Variants in CAPN13 observed in about 807,000 individuals in gnomAD.
CAPN13 encodes the protein calpain 13.
A neutral mutation model predicts 98.4 loss-of-function variants in CAPN13; 90 were observed. The observed-to-expected ratio is 0.92, with a 90% CI of 0.77 to 1.09. The LOEUF is 1.09. Among genes scored for constraint, CAPN13 ranks in the 50% least tolerant of loss-of-function variants. The pLI is 0.00. For synonymous variants in CAPN13, 330 were observed against 305.5 expected (o/e 1.08, Z -0.84); for missense variants, 887 against 841.3 (o/e 1.05, Z -0.67).
Position 30,787,284 on chromosome 2 carries a change from G to A in CAPN13, c.42C>T (p.Ile14=). Residue 14 remains isoleucine (I), a synonymous_variant, in exon 2 of 23, where the codon ATC becomes ATT. Coordinates refer to ENST00000295055, the MANE Select transcript of CAPN13 (RefSeq NM_144575.3). ...YQEPSVETSI[I]KFKDQDFTTL... is the part of the protein sequence containing the mutation. ...TGGTAAAGTCCTGGTCTTTGAACTT[G>A]ATGATGGAGGTCTCCACTGAAGGCT... 1 of 1,613,378 alleles carries A rather than the reference G, an allele frequency of 6.2e-7. No individual in the cohort carries two copies. The highest frequency in any genetic ancestry group is 8.5e-7 in the Non-Finnish European group (1 of 1,179,712).
intron 1 of CAPN13, among the ~76,000 whole-genome samples, chr2:30,800,198 T>C (rs1572892020): frequency 7.6e-6 from 1 of 132,216 alleles, no homozygotes; most frequent in Middle Eastern, 4.0e-3. Flanking sequence ...GAAAACTACG[T>C]AGACCTGGAA....
Position 30,736,517 on chromosome 2 carries a change from G to T in CAPN13, c.1708C>A (p.Leu570Ile). ...QEEFARLWKRLVHYQHVFQKV... is the reference protein window; with the variant it reads ...QEEFARLWKRIVHYQHVFQKV... ...TGTGCCCGTACCTGGTAGTGAACAA[G>T]GCGCTTCCACAGTCGCGCAAACTCC... The change falls in exon 18 of 23, where the codon CTT (leucine) becomes ATT (isoleucine). Residue 570 changes from leucine to isoleucine, a missense_variant. By Grantham distance (5) the Leu-to-Ile change is conservative. Transcript: ENST00000295055. 1 of 1,614,016 alleles carries T rather than the reference G, an allele frequency of 6.2e-7. No homozygotes were observed. Among genetic ancestry groups the T allele is most frequent in the South Asian group, 1.1e-5 (1 of 91,082 alleles).
At chr2:30,800,081 G>GAAAGAAAGAAAGA in intron 1 of CAPN13, among the ~76,000 whole-genome samples, 2 of 115,194 alleles carry the variant, frequency 1.7e-5, no homozygotes, top group African/African-American at 6.4e-5. Flanking sequence ...CTCAAAAAAA[G>GAAAGAAAGAAAGA]AAAGAAAGAA....
intron 1 of CAPN13, among the ~76,000 whole-genome samples, chr2:30,788,234 A>G (rs1306773798): frequency 6.6e-6 from 1 of 152,220 alleles, no homozygotes; most frequent in Non-Finnish European, 1.5e-5. Flanking sequence ...CTCCACCTGT[A>G]TGGATTGAAG....
At chr2:30,803,644 T>C (rs1457546073) in intron 1 of CAPN13, among the ~76,000 whole-genome samples, 1 of 152,176 alleles carries the variant, frequency 6.6e-6, no homozygotes, top group Non-Finnish European at 1.5e-5. Flanking sequence ...CCCCAGCCAC[T>C]ACCGTGGGAC....
chr2:30,732,506 C>T lies in CAPN13; in HGVS notation c.1859G>A (p.Ser620Asn), dbSNP rs1671155067. The change falls in exon 20 of 23, where the codon AGC becomes AAC. Residue 620 changes from serine (S) to asparagine (N), a missense_variant. Ser to Asn is a conservative substitution (Grantham distance 46). Coordinates refer to ENST00000295055, the MANE Select transcript of CAPN13 (RefSeq NM_144575.3). ...ELLHLVTLRYSDSVGRVSFPS... is the reference protein window; with the variant it reads ...ELLHLVTLRYNDSVGRVSFPS... ...GAAGCTGACCCTGCCGACGCTGTCG[C>T]TGTACCTGAGGGTCACCAGATGCAG... 6.2e-7 allele frequency: 1 copy of T among 1,612,612 alleles called. No individual in the cohort carries two copies. The highest frequency in any genetic ancestry group is 2.2e-5 in the East Asian group (1 of 44,828).
chr2:30,757,776 G>A (rs535997751), intron 8 of CAPN13, among the ~76,000 whole-genome samples: 3 of 152,226 alleles, frequency 2.0e-5, no homozygotes, highest in Admixed American at 6.5e-5. Flanking sequence ...TCTGGAGGGT[G>A]GGCACTGGGT....
At chr2:30,796,133 T>C (rs1674846475) in intron 1 of CAPN13, among the ~76,000 whole-genome samples, 1 of 144,174 alleles carries the variant, frequency 6.9e-6, no homozygotes, top group Admixed American at 7.0e-5. Context: ...GAATTACATA[T>C]ATATATGTGT....
intron 11 of CAPN13, chr2:30,746,633 T>C (rs1671928003): frequency 9.1e-6 from 2 of 219,004 alleles, no homozygotes; most frequent in South Asian, 1.4e-4. Context: ...TGTCAAGATT[T>C]CCTCTGATAG....
chr2:30,799,267 G>A (rs1423549801), intron 1 of CAPN13, among the ~76,000 whole-genome samples: 1 of 146,182 alleles, frequency 6.8e-6, no homozygotes, highest in Non-Finnish European at 1.5e-5. Context: ...GGAAGAACAT[G>A]TGAGTATTTC....
chr2:30,768,860 C>T (rs1673241523), intron 5 of CAPN13, among the ~76,000 whole-genome samples: 1 of 152,050 alleles, frequency 6.6e-6, no homozygotes, highest in Admixed American at 6.5e-5. Flanking sequence ...TGCTCAGTGC[C>T]TCTTACCTCA....
intron 8 of CAPN13, among the ~76,000 whole-genome samples, chr2:30,756,433 C>T (rs10194343): frequency 0.12 from 18,171 of 152,212 alleles, 1,489 homozygotes; most frequent in Non-Finnish European, 0.19. Flanking sequence ...TGCCAGCCCA[C>T]GGGAAGCTTC....
At chr2:30,782,702 G>A (rs887683997) in intron 2 of CAPN13, among the ~76,000 whole-genome samples, 1 of 152,198 alleles carries the variant, frequency 6.6e-6, no homozygotes, top group African/African-American at 2.4e-5. Flanking sequence ...TCGAACACCT[G>A]TTAAGCAACG....
Position 30,742,316 on chromosome 2 carries a change from G to T in CAPN13, c.1479+10C>A. On this transcript the variant is annotated intron_variant, in intron 14 of 22. Transcript: ENST00000295055. ...TGAGGCTCGCCAGCCAAACCTTGCT[G>T]CATACCTACCTTCATTCTGAGGTTG... is the stretch of plus-strand genomic sequence containing the variant. 6.2e-7 allele frequency: 1 copy of T among 1,601,576 alleles called. No homozygotes were observed. Among genetic ancestry groups the T allele is most frequent in the Non-Finnish European group, 8.5e-7 (1 of 1,174,044 alleles).
intron 1 of CAPN13, among the ~76,000 whole-genome samples, chr2:30,793,895 A>ATGG (rs1674724518): frequency 6.6e-6 from 1 of 151,812 alleles, no homozygotes; most frequent in African/African-American, 2.4e-5. Flanking sequence ...ACAAACAAAC[A>ATGG]TGGATCTTAC....
In CAPN13 at chr2:30,743,542, G is replaced by C. The variant is rs374598820; in HGVS notation, c.1286C>G (p.Ser429Trp). Residue 429 changes from serine to tryptophan, a missense_variant, in exon 13 of 23, where the codon TCG becomes TGG. Ser to Trp is a radical substitution (Grantham distance 177). Coordinates refer to ENST00000295055, the MANE Select transcript of CAPN13 (RefSeq NM_144575.3). ...REKFPPVFFS[S>W]FRNTVQSSNN... ...TGAGCTTTGGACAGTGTTTCTGAAC[G>C]AGGAAAAAAACACGGGTGGAAATTT... 25 of 1,613,866 alleles carry C rather than the reference G, an allele frequency of 1.5e-5. No homozygotes were observed. The highest frequency in any genetic ancestry group is 2.0e-5 in the Non-Finnish European group (24 of 1,179,876).
intron 20 of CAPN13, among the ~76,000 whole-genome samples, chr2:30,731,853 G>C (rs1224073598): frequency 6.6e-6 from 1 of 152,212 alleles, no homozygotes; most frequent in Non-Finnish European, 1.5e-5. Context: ...AGAGCTGCAG[G>C]CTTTGCAGCA....
chr2:30,748,689 C>G lies in CAPN13; in HGVS notation c.1236+2414G>C, dbSNP rs556546080. On this transcript the variant is annotated intron_variant, in intron 11 of 22. Coordinates refer to ENST00000295055, the MANE Select transcript of CAPN13 (RefSeq NM_144575.3). ...CTTGCAGTAGGAGGCTGGGCCCTGC[C>G]TCCCACCAGGATTCCCTTAAAGTGG... Among the ~76,000 whole-genome samples, 6 of 152,228 alleles carry G rather than the reference C, an allele frequency of 3.9e-5. No homozygotes were observed. The East Asian group carries it at 7.8e-4, about 20-fold the overall frequency.
intron 1 of CAPN13, among the ~76,000 whole-genome samples, chr2:30,802,597 T>G (rs1675355858): frequency 6.6e-6 from 1 of 151,570 alleles, no homozygotes; most frequent in African/African-American, 2.4e-5. Flanking sequence ...CTTCTGTCAT[T>G]CTTTCCCTCT....
Sources: gnomAD v4.1 joint callset for allele counts (sites outside exome capture counted in the v4.1 genomes callset) on GRCh38, gnomAD v4.1.1 for gene constraint, MANE v1.5 for transcripts, NCBI Gene and HGNC (gene_info 2026-07-23, HGNC 2026-07-21) for gene names.